NKAIN3: variants seen among roughly 807,000 people sequenced by gnomAD.
NKAIN3 encodes sodium/potassium-transporting ATPase subunit beta-1-interacting protein 3.
Under a neutral mutation model 30.2 loss-of-function variants are expected in NKAIN3, and 25 were observed. That is an observed-to-expected ratio of 0.83 (90% CI 0.60 to 1.16). NKAIN3 has a LOEUF of 1.16. Among genes scored for constraint, NKAIN3 ranks in the 50% most tolerant of loss-of-function variants. The pLI is 0.00. For synonymous variants in NKAIN3, 91 were observed against 89.6 expected (o/e 1.02, Z -0.09); for missense variants, 225 against 254.1 (o/e 0.89, Z 0.78).
intron 1 of NKAIN3, among the ~76,000 whole-genome samples, chr8:62,575,998 C>T (rs1810096945): frequency 6.6e-6 from 1 of 152,012 alleles, no homozygotes; most frequent in South Asian, 2.1e-4. Flanking sequence ...TCTAAGACCT[C>T]AAACTATAAA....
rs971315782 is a variant in NKAIN3, at chr8:62,869,969, G to C, written c.472-48484G>C. On this transcript the variant is annotated intron_variant, in intron 4 of 6. Coordinates refer to ENST00000623646, the MANE Select transcript of NKAIN3 (RefSeq NM_001304533.3). The stretch of plus-strand genomic sequence containing the variant: ...GTATTTTTAGTAGAGACGGGGTTTC[G>C]CCGTGTTAGCCAAGATGGTCTCGAT... Among the ~76,000 whole-genome samples the C allele has an allele frequency of 6.0e-5, 9 of 151,226 alleles. No homozygotes were observed. The East Asian group carries it at 1.8e-3, about 30-fold the overall frequency.
chr8:62,415,992 G>A (rs1039253808), intron 1 of NKAIN3, among the ~76,000 whole-genome samples: 2 of 151,986 alleles, frequency 1.3e-5, no homozygotes, highest in Non-Finnish European at 2.9e-5. Flanking sequence ...TCCTGACCTC[G>A]TGATCCTCCT....
At chr8:62,923,460 A>T (rs542361905) in intron 5 of NKAIN3, among the ~76,000 whole-genome samples, 1 of 152,348 alleles carries the variant, frequency 6.6e-6, no homozygotes, top group South Asian at 2.1e-4. Context: ...TATATTTAGA[A>T]TTTAGTGAGA....
chr8:62,711,694 C>G (rs1814723700), intron 3 of NKAIN3, among the ~76,000 whole-genome samples: 1 of 152,064 alleles, frequency 6.6e-6, no homozygotes, highest in African/African-American at 2.4e-5. Context: ...TTCTCTGGTC[C>G]CTCCCTGATT....
intron 4 of NKAIN3, among the ~76,000 whole-genome samples, chr8:62,822,880 G>A (rs965684393): frequency 3.3e-5 from 5 of 152,114 alleles, no homozygotes; most frequent in Non-Finnish European, 5.9e-5. Context: ...TACACACTTA[G>A]GTTATATGGC....
At chr8:62,551,266 A>G (rs143094473) in intron 1 of NKAIN3, among the ~76,000 whole-genome samples, 41 of 152,272 alleles carry the variant, frequency 2.7e-4, no homozygotes, top group African/African-American at 8.7e-4. Context: ...GTAAAAGTGG[A>G]GTCTCTAGTC....
chr8:62,345,320 TATATACAC>T (rs1249184765), intron 1 of NKAIN3, among the ~76,000 whole-genome samples: 7 of 23,470 alleles, frequency 3.0e-4, no homozygotes, highest in East Asian at 5.5e-3. Context: ...TATACACACA[TATATACAC>T]ATATATGTAT....
chr8:62,471,090 C>A (rs1054604387), intron 1 of NKAIN3, among the ~76,000 whole-genome samples: 3 of 151,884 alleles, frequency 2.0e-5, no homozygotes, highest in Non-Finnish European at 4.4e-5. Flanking sequence ...TGGGGGAAAA[C>A]CAACTTGTGA....
chr8:62,675,872 C>T (rs1813461051), intron 3 of NKAIN3, among the ~76,000 whole-genome samples: 1 of 152,140 alleles, frequency 6.6e-6, no homozygotes, highest in Admixed American at 6.5e-5. Context: ...TTTGAGTTTG[C>T]TTTTAAATTA....
In NKAIN3 at chr8:62,978,842, G is replaced by T. The variant is rs543330805; in HGVS notation, c.*13435G>T. 1.3e-5 allele frequency: 2 copies of T among 154,232 alleles called. No homozygotes were observed. Among genetic ancestry groups the T allele is most frequent in the Non-Finnish European group, 2.9e-5 (2 of 68,266 alleles). 9.6% of individuals were successfully genotyped at this position (154,232 alleles called of 1,614,324 possible). On this transcript the variant is annotated 3_prime_UTR_variant, in exon 7 of 7. Transcript: ENST00000623646. The stretch of plus-strand genomic sequence containing the variant: ...GTGCTTGAAATCCAGGGCCCTTGTG[G>T]TGTAGGCACCCAAGGGATCTCCTTG...
chr8:62,328,725 G>A (rs1160295791), intron 1 of NKAIN3, among the ~76,000 whole-genome samples: 1 of 152,044 alleles, frequency 6.6e-6, no homozygotes, highest in African/African-American at 2.4e-5. Context: ...TTGCATAAAT[G>A]TGTTTACTTT....
At position 62,274,702 on chromosome 8, in the gene NKAIN3, G is replaced by C. The variant is rs144732389; in HGVS notation, c.54+25575G>C. 6.6e-3 allele frequency among the ~76,000 whole-genome samples: 998 copies of C among 151,748 alleles called. 6 individuals are homozygous for C. The highest frequency in any genetic ancestry group is 0.023 in the African/African-American group (947 of 41,352). On this transcript the variant is annotated intron_variant, in intron 1 of 6. Transcript: ENST00000623646. ...GCTGGTGTGCTGCATCCATTAACTC[G>C]TCATTTAGCATTAGGTTTATCTCCT...
At chr8:62,527,172 G>A (rs985247799) in intron 1 of NKAIN3, among the ~76,000 whole-genome samples, 1 of 152,166 alleles carries the variant, frequency 6.6e-6, no homozygotes, top group Admixed American at 6.6e-5. Context: ...CCTCAGCTGA[G>A]ATGTACACCA....
intron 4 of NKAIN3, among the ~76,000 whole-genome samples, chr8:62,839,371 TCAAA>T (rs1350079802): frequency 1.3e-5 from 2 of 150,968 alleles, no homozygotes; most frequent in African/African-American, 4.9e-5. Flanking sequence ...TTTGTCTCTA[TCAAA>T]CAAATTTGGA....
chr8:62,873,342 T>C (rs1161515634), intron 4 of NKAIN3, among the ~76,000 whole-genome samples: 1 of 151,788 alleles, frequency 6.6e-6, no homozygotes, highest in Non-Finnish European at 1.5e-5. Context: ...ACAAAACAAG[T>C]TCTTAGGGAC....
chr8:62,850,572 G>T (rs1456939870), intron 4 of NKAIN3, among the ~76,000 whole-genome samples: 1 of 151,962 alleles, frequency 6.6e-6, no homozygotes, highest in Non-Finnish European at 1.5e-5. Context: ...TTTCTTCTAG[G>T]GTTTTTATGG....
intron 3 of NKAIN3, among the ~76,000 whole-genome samples, chr8:62,701,955 G>A (rs1814352721): frequency 6.6e-6 from 1 of 152,158 alleles, no homozygotes; most frequent in South Asian, 2.1e-4. Context: ...TGTCCACTGG[G>A]GGCGTCTTTT....
chr8:62,674,922 G>A (rs924644450), intron 3 of NKAIN3, among the ~76,000 whole-genome samples: 1 of 152,194 alleles, frequency 6.6e-6, no homozygotes, highest in Non-Finnish European at 1.5e-5. Context: ...CTGGCATCCA[G>A]TTCTTCAGTC....
chr8:62,609,998 G>A (rs1351377366), intron 3 of NKAIN3, among the ~76,000 whole-genome samples: 2 of 152,080 alleles, frequency 1.3e-5, no homozygotes, highest in African/African-American at 4.8e-5. Context: ...TACTGTGTAG[G>A]GGACAAGAGT....
Sources: gnomAD v4.1 joint callset for allele counts (sites outside exome capture counted in the v4.1 genomes callset) on GRCh38, gnomAD v4.1.1 for gene constraint, MANE v1.5 for transcripts, NCBI Gene and HGNC (gene_info 2026-07-23, HGNC 2026-07-21) for gene names.